The following HELZ2 variants were observed in gnomAD, a reference collection of about 807,000 sequenced individuals.
The protein encoded by HELZ2 is helicase with zinc finger 2, also known as 3'-5' exoribonuclease HELZ2.
A neutral mutation model predicts 208.8 loss-of-function variants in HELZ2; 143 were observed. The observed-to-expected ratio is 0.68, with a 90% CI of 0.60 to 0.79. HELZ2 has a LOEUF of 0.79. HELZ2 is among the 30% of genes least tolerant of loss of function. HELZ2 has a pLI of 0.00. For missense variants in HELZ2, 3,690 were observed against 3,794.5 expected (o/e 0.97, Z 0.72); for synonymous variants, 1,705 against 1,693.7 (o/e 1.01, Z -0.16).
exon 14 of HELZ2, chr20:63,561,264 C>T (rs754919900): frequency 6.2e-7 from 1 of 1,612,544 alleles, no homozygotes; most frequent in South Asian, 1.1e-5. Flanking sequence ...TCCCACAAGA[C>T]CTTCTTGTAC....
In HELZ2 at chr20:63,561,999, TAGG is replaced by T. The variant is rs769386314; in HGVS notation, c.6530-18_6530-16del. ...CTTCCCTGTACCTGCAGCCAGAGAA[TAGG>T]AGATTGTAGCCCACCCTGTGGGTCC... On this transcript the variant is annotated splice_polypyrimidine_tract_variant and intron_variant, in intron 10 of 18. Transcript: ENST00000467148. 9.4e-6 allele frequency: 15 copies of T among 1,594,532 alleles called. No homozygotes were observed. Among genetic ancestry groups the T allele is most frequent in the African/African-American group, 1.3e-5 (1 of 74,370 alleles).
chr20:63,559,539 G>GT (rs1273675648), intron 18 of HELZ2, among the ~76,000 whole-genome samples, 169 bp from the exon 20 acceptor site: 2 of 51,336 alleles, frequency 3.9e-5, no homozygotes, highest in African/African-American at 1.6e-4. Context: ...TCAGGTGGGA[G>GT]GAGTCAGGGT....
rs377166364 is a variant in HELZ2 at position 63,562,389 on chromosome 20, G to T, written c.6303-7C>A. The stretch of plus-strand genomic sequence containing the variant: ...CACGGCTTCCTCCTTGCGGCTGGGG[G>T]TGAAGGCAGACACTGGAAAACCAAC... On this transcript the variant is annotated splice_polypyrimidine_tract_variant and splice_region_variant and intron_variant, in intron 8 of 18. Coordinates refer to ENST00000467148, the Ensembl canonical transcript of HELZ2. The T allele has an allele frequency of 3.0e-4, 469 of 1,576,422 alleles. 3 individuals carry two copies. The African/African-American group carries it at 5.5e-3, about 19-fold the overall frequency.
exon 8 of HELZ2, chr20:63,564,163 C>T: frequency 6.2e-7 from 1 of 1,611,744 alleles, no homozygotes; most frequent in South Asian, 1.1e-5. Flanking sequence ...CTGGCTGCCA[C>T]CGCAGAGGCG....
intron 17 of HELZ2, 37 bp from the exon 19 acceptor site, chr20:63,560,132 C>T (rs1378420062): frequency 4.3e-6 from 6 of 1,399,154 alleles, no homozygotes; most frequent in Non-Finnish European, 4.8e-6. Context: ...TGCCGCTGCG[C>T]CCACCCTCCC....
chr20:63,570,497 C>A lies in HELZ2; in HGVS notation c.570+7G>T. 6.2e-7 allele frequency: 1 copy of A among 1,609,236 alleles called. No individual in the cohort carries two copies. The highest frequency in any genetic ancestry group is 2.2e-5 in the East Asian group (1 of 44,856). Reference sequence around the variant, plus strand: ...CCTCCGCCCAGTCGGAGCTGTTCTCCGCTCACCTCAGAGTGGACGGCAAAC... The same window carrying A: ...CCTCCGCCCAGTCGGAGCTGTTCTCAGCTCACCTCAGAGTGGACGGCAAAC... On this transcript the variant is annotated splice_region_variant and intron_variant, in intron 3 of 18. Transcript: ENST00000467148.
chr20:63,565,434 G>A lies in HELZ2; in HGVS notation c.3388C>T (p.Arg1130Cys), dbSNP rs776221637. 24 of 1,610,236 alleles carry A rather than the reference G, an allele frequency of 1.5e-5. No homozygotes were observed. Among genetic ancestry groups the A allele is most frequent in the Admixed American group, 5.0e-5 (3 of 59,948 alleles). ...GTCTCTGGCACGAAAGAGCAGTGGC[G>A]GTACCGCTCGGGCTCCGCGTGCAGC... The change falls in exon 8 of 19, where the codon CGC becomes TGC. Residue 1130 changes from arginine to cysteine, a missense_variant. Arg to Cys is a radical substitution (Grantham distance 180, BLOSUM62 -3). Transcript: ENST00000467148.
At chr20:63,569,325 C>A in exon 4 of HELZ2, 1 of 1,594,030 alleles carries the variant, frequency 6.3e-7, no homozygotes, top group South Asian at 1.1e-5. Context: ...CCGCTCCACG[C>A]CAGGCACCAC....
At chr20:63,560,024 T>C (rs1355476509) in exon 18 of HELZ2, 1 of 1,611,952 alleles carries the variant, frequency 6.2e-7, no homozygotes, top group Non-Finnish European at 8.5e-7. Flanking sequence ...CAGCTCTTGG[T>C]GGGCCGCTGG....
At chr20:63,566,087 A>G in exon 8 of HELZ2, 2 of 1,585,960 alleles carry the variant, frequency 1.3e-6, no homozygotes, top group Non-Finnish European at 1.7e-6. Context: ...GGCGTCCCCC[A>G]CTACCACCAG....
At chr20:63,566,726 A>G in intron 6 of HELZ2, 118 bp downstream of exon 7, 1 of 1,043,518 alleles carries the variant, frequency 9.6e-7, no homozygotes, top group South Asian at 1.6e-5. Flanking sequence ...GGAGGCAAAT[A>G]CTGCAGCCCC....
At chr20:63,567,264 C>T in exon 6 of HELZ2, 3 of 1,609,022 alleles carry the variant, frequency 1.9e-6, no homozygotes, top group Non-Finnish European at 2.5e-6. Flanking sequence ...GGGGTGTGAC[C>T]TGCATGTGGT....
At chr20:63,564,566 A>C in exon 8 of HELZ2, 9 of 1,567,740 alleles carry the variant, frequency 5.7e-6, no homozygotes, top group Non-Finnish European at 7.8e-6. Context: ...CCGGCCAGGC[A>C]GGAGGCTGAG....
rs551229505 is a variant in HELZ2 at position 63,560,786 on chromosome 20, C to T, written c.7281+9G>A. The T allele has an allele frequency of 4.4e-6, 7 of 1,608,174 alleles. No homozygotes were observed. Among genetic ancestry groups the T allele is most frequent in the East Asian group, 2.2e-5 (1 of 44,724 alleles). ...CAGGTGGGCTGGGGGCTGAGTGGGGCGGGCTCACCATGCGGTACTGAGTGT... is the reference window on the plus strand; with the variant it reads ...CAGGTGGGCTGGGGGCTGAGTGGGGTGGGCTCACCATGCGGTACTGAGTGT... On this transcript the variant is annotated intron_variant, in intron 15 of 18. Transcript: ENST00000467148.
At chr20:63,567,393 C>G (rs1191854920) in exon 6 of HELZ2, 3 of 1,587,304 alleles carry the variant, frequency 1.9e-6, no homozygotes, top group Non-Finnish European at 2.6e-6. Context: ...CGACCGGCAC[C>G]CTGAGCTCAC....
At position 63,568,548 on chromosome 20, in the gene HELZ2, G is replaced by A. The variant is rs750637572; in HGVS notation, c.1540C>T (p.Arg514Cys). 14 of 1,583,870 alleles carry A rather than the reference G, an allele frequency of 8.8e-6. No individual in the cohort carries two copies. The East Asian group carries it at 1.1e-4, about 13-fold the overall frequency. Residue 514 changes from arginine to cysteine, a missense_variant, in exon 5 of 19, where the codon CGT becomes TGT. Around this residue, in one of 3 missense-constraint regions of HELZ2, gnomAD observed 1,119 missense variants for 1,193.4 expected, o/e 0.94. Coordinates refer to ENST00000467148, the Ensembl canonical transcript of HELZ2. The stretch of plus-strand genomic sequence containing the variant: ...GCCAGCTCCTGCTTGCGGTTGCCAC[G>A]CCGCAAGGGTGGGACAGACCAAGGT...
At chr20:63,566,692 G>C in intron 6 of HELZ2, 152 bp downstream of exon 7, 4 of 785,126 alleles carry the variant, frequency 5.1e-6, no homozygotes, top group Non-Finnish European at 7.9e-6. Context: ...GACACCTCAG[G>C]GGCCGAGCCC....
chr20:63,572,529 C>T (rs538701551), upstream of HELZ2: 11 of 904,304 alleles, frequency 1.2e-5, no homozygotes, highest in Middle Eastern at 6.9e-4. Flanking sequence ...CGGCGGCCCT[C>T]GGCGCTCACG....
chr20:63,562,850 G>A (rs751366426), exon 8 of HELZ2: 1 of 1,608,984 alleles, frequency 6.2e-7, no homozygotes. Flanking sequence ...GAGGAAGGCG[G>A]CCTCCAGGCG....
Sources: gnomAD v4.1 joint callset for allele counts (sites outside exome capture counted in the v4.1 genomes callset) on GRCh38, gnomAD v4.1.1 for gene constraint, gnomAD v4.1.1 regional missense constraint, MANE v1.5 for transcripts, NCBI Gene and HGNC (gene_info 2026-07-23, HGNC 2026-07-21) for gene names.